The following MYO5B variants were observed in gnomAD, a reference collection of about 807,000 sequenced individuals.
MYO5B encodes the protein myosin VB.
Under a neutral mutation model 229.3 loss-of-function variants are expected in MYO5B, and 143 were observed. That is an observed-to-expected ratio of 0.62 (90% CI 0.54 to 0.72). The LOEUF is 0.72. Among genes scored for constraint, MYO5B ranks in the 30% least tolerant of loss-of-function variants. The pLI, the probability that MYO5B is intolerant of heterozygous loss-of-function variation, is 0.00. For missense variants in MYO5B, 2,321 were observed against 2,331.0 expected, an observed-to-expected ratio of 1.00 and a Z score of 0.09; for synonymous variants, 918 against 885.2, an observed-to-expected ratio of 1.04 and a Z score of -0.66.
intron 1 of MYO5B, among the ~76,000 whole-genome samples, chr18:50,108,725 C>T (rs755117255): frequency 2.0e-5 from 3 of 152,108 alleles, no homozygotes; most frequent in Admixed American, 6.5e-5. Flanking sequence ...TAAGGCCTTG[C>T]TGTGTGCTGA....
At chr18:49,925,181 T>C (rs2025115489) in intron 17 of MYO5B, among the ~76,000 whole-genome samples, 1 of 152,234 alleles carries the variant, frequency 6.6e-6, no homozygotes, top group South Asian at 2.1e-4. Context: ...TGAAGCCTGA[T>C]ACCTGGAGAG....
chr18:50,186,591 G>T (rs1482339315), intron 1 of MYO5B, among the ~76,000 whole-genome samples: 1 of 152,024 alleles, frequency 6.6e-6, no homozygotes, highest in Non-Finnish European at 1.5e-5. Flanking sequence ...ACCCCTTCAG[G>T]ACAGCAGGGA....
intron 7 of MYO5B, among the ~76,000 whole-genome samples, chr18:49,988,737 T>C (rs1286493474): frequency 1.3e-5 from 2 of 152,170 alleles, no homozygotes; most frequent in Non-Finnish European, 2.9e-5. Flanking sequence ...AGGATGGCAG[T>C]GGCCCCTAAT....
At chr18:50,098,585 A>G (rs1281702979) in intron 1 of MYO5B, among the ~76,000 whole-genome samples, 1 of 152,236 alleles carries the variant, frequency 6.6e-6, no homozygotes, top group Non-Finnish European at 1.5e-5. Context: ...TTGGAAGCAC[A>G]GTGGCATGGG....
At chr18:50,132,063 C>CA (rs1281402057) in intron 1 of MYO5B, among the ~76,000 whole-genome samples, 1 of 152,216 alleles carries the variant, frequency 6.6e-6, no homozygotes, top group East Asian at 1.9e-4. Context: ...GTGGGCTTAG[C>CA]AAAATATACC....
Position 49,835,397 on chromosome 18 carries a change from G to A in MYO5B, c.5341C>T (p.Pro1781Ser). The A allele has an allele frequency of 1.9e-6, 3 of 1,612,440 alleles. No individual in the cohort carries two copies. Among genetic ancestry groups the A allele is most frequent in the Non-Finnish European group, 2.5e-6 (3 of 1,179,380 alleles). ...QIVKILNLYT[P>S]LNEFEERVTV... Reference sequence around the variant, plus strand: ...ACCCGTTCTTCAAATTCATTCAGGGGAGTATAAAGGTTTAAAATTTTGACA... The same window carrying A: ...ACCCGTTCTTCAAATTCATTCAGGGAAGTATAAAGGTTTAAAATTTTGACA... Residue 1781 changes from proline (P) to serine (S), a missense_variant, in exon 39 of 40, where the codon CCC (proline) becomes TCC (serine). Coordinates refer to ENST00000285039, the MANE Select transcript of MYO5B (RefSeq NM_001080467.3).
intron 1 of MYO5B, among the ~76,000 whole-genome samples, chr18:50,132,056 G>C (rs1454409006): frequency 6.6e-6 from 1 of 152,112 alleles, no homozygotes; most frequent in Non-Finnish European, 1.5e-5. Context: ...TTCCACAGTG[G>C]GCTTAGCAAA....
chr18:49,884,933 A>G (rs1334336071), intron 22 of MYO5B, among the ~76,000 whole-genome samples: 1 of 152,240 alleles, frequency 6.6e-6, no homozygotes, highest in African/African-American at 2.4e-5. Flanking sequence ...CCACACTGAG[A>G]TAACAGTTCA....
chr18:49,979,220 C>A (rs1232183664), intron 9 of MYO5B, among the ~76,000 whole-genome samples: 3 of 152,160 alleles, frequency 2.0e-5, no homozygotes, highest in Non-Finnish European at 4.4e-5. Flanking sequence ...GGTGAGCACC[C>A]ACACAGGTAT....
chr18:50,060,775 C>G (rs558516627), intron 1 of MYO5B, among the ~76,000 whole-genome samples: 26 of 152,290 alleles, frequency 1.7e-4, no homozygotes, highest in African/African-American at 6.3e-4. Flanking sequence ...GAGCCTGAAT[C>G]CTGACTACAT....
At chr18:49,853,700 T>G in intron 30 of MYO5B, 53 bp from the exon 31 acceptor site, 2 of 1,549,134 alleles carry the variant, frequency 1.3e-6, no homozygotes, top group Non-Finnish European at 1.8e-6. Flanking sequence ...GGCCCCCATC[T>G]GAGGGGACAC....
chr18:50,140,993 C>T (rs2032409202), intron 1 of MYO5B, among the ~76,000 whole-genome samples: 2 of 152,214 alleles, frequency 1.3e-5, no homozygotes, highest in Non-Finnish European at 1.5e-5. Context: ...GGAAGCTCAA[C>T]TGAGCCGCAG....
chr18:50,089,931 T>C (rs1281414373), intron 1 of MYO5B, among the ~76,000 whole-genome samples: 1 of 152,156 alleles, frequency 6.6e-6, no homozygotes, highest in African/African-American at 2.4e-5. Flanking sequence ...GCCACCTTTT[T>C]CGAAGGCTAC....
At chr18:49,931,994 C>T (rs920276319) in intron 16 of MYO5B, among the ~76,000 whole-genome samples, 4 of 152,198 alleles carry the variant, frequency 2.6e-5, no homozygotes, top group Non-Finnish European at 5.9e-5. Flanking sequence ...GGGATGGCAG[C>T]GTGTTCAGGA....
rs116544078 is a variant in MYO5B at position 49,903,590 on chromosome 18, C to T, written c.2572-757G>A. On this transcript the variant is annotated intron_variant, in intron 20 of 39. Coordinates refer to ENST00000285039, the MANE Select transcript of MYO5B (RefSeq NM_001080467.3). ...ATGGCCTGGGTTTCTCTACATACTA[C>T]ACCAGGGTGTGCTCCACCCTGACCA... 3.4e-3 allele frequency among the ~76,000 whole-genome samples: 525 copies of T among 152,336 alleles called. 3 individuals are homozygous for T. The highest frequency in any genetic ancestry group is 0.012 in the African/African-American group (496 of 41,566).
chr18:49,988,743 C>T (rs2025898104), intron 7 of MYO5B, among the ~76,000 whole-genome samples: 1 of 152,202 alleles, frequency 6.6e-6, no homozygotes, highest in Admixed American at 6.5e-5. Context: ...GCAGTGGCCC[C>T]TAATGTGGAG....
intron 1 of MYO5B, among the ~76,000 whole-genome samples, chr18:50,129,960 G>C (rs1705529): frequency 1 from 151,574 of 152,304 alleles, 75,426 homozygotes; most frequent in Middle Eastern, 1. Flanking sequence ...AATGACCACC[G>C]CCCCACCTCC....
intron 1 of MYO5B, among the ~76,000 whole-genome samples, chr18:50,124,840 T>G (rs1216894241): frequency 1.3e-5 from 2 of 152,154 alleles, no homozygotes; most frequent in African/African-American, 2.4e-5. Context: ...GTGTACAGTC[T>G]TTCTTAATAA....
intron 16 of MYO5B, among the ~76,000 whole-genome samples, chr18:49,935,538 G>A (rs561580856): frequency 6.6e-6 from 1 of 152,220 alleles, no homozygotes; most frequent in Non-Finnish European, 1.5e-5. Context: ...ATCATTCTTG[G>A]GGGGTGGCAG....
Sources: allele counts gnomAD v4.1 joint callset (sites outside exome capture counted in the v4.1 genomes callset), GRCh38; gene constraint gnomAD v4.1.1; transcripts MANE v1.5; gene names NCBI Gene and HGNC (gene_info 2026-07-23, HGNC 2026-07-21).